BAZ2B: variants seen among roughly 807,000 people sequenced by gnomAD.
The protein encoded by BAZ2B is bromodomain adjacent to zinc finger domain 2B, also known as bromodomain adjacent to zinc finger domain protein 2B.
BAZ2B carries 91 observed loss-of-function variants against 246.0 expected under a neutral mutation model. That is an observed-to-expected ratio of 0.37 (90% confidence interval 0.31 to 0.44). BAZ2B has a LOEUF of 0.44. BAZ2B is among the 20% of genes least tolerant of loss of function. BAZ2B has a pLI of 1.00. For synonymous variants in BAZ2B, 855 were observed against 860.0 expected, an observed-to-expected ratio of 0.99 and a Z score of 0.10; for missense variants, 2,332 against 2,533.7, an observed-to-expected ratio of 0.92 and a Z score of 1.71.
chr2:159,408,736 T>C (rs1485641193), intron 14 of BAZ2B, among the ~76,000 whole-genome samples: 1 of 152,122 alleles, frequency 6.6e-6, no homozygotes, highest in Admixed American at 6.5e-5. Flanking sequence ...CTGGCCAACA[T>C]GGTGAAAACC....
chr2:159,702,489 AGTCTT>A, the BAZ2B span, among the ~76,000 whole-genome samples: 406 of 152,338 alleles, frequency 2.7e-3, 2 homozygotes, highest in African/African-American at 9.2e-3. Context: ...ATCCCATTAA[AGTCTT>A]GACATACAAC....
intron 2 of BAZ2B, among the ~76,000 whole-genome samples, chr2:159,546,987 T>A (rs781608010): frequency 5.9e-5 from 9 of 152,122 alleles, no homozygotes; most frequent in Admixed American, 1.3e-4. Flanking sequence ...GAAATTTCCT[T>A]TCCATAAAGA....
At position 159,385,486 on chromosome 2, in the gene BAZ2B, A is replaced by C. The variant is rs2062532738; in HGVS notation, c.3472-117T>G. The C allele has an allele frequency of 1.4e-5, 11 of 808,436 alleles. No individual in the cohort carries two copies. In the South Asian group the frequency reaches 1.8e-4, roughly 13 times the overall value. The allele number at this position is 808,436 out of a possible 1,614,324, so 50.1% of individuals were successfully genotyped here. ...GATACTACTGACAAGAGCTTTATTC[A>C]CTTTTTTTTTAATGAAAGAGACACA... On this transcript the variant is annotated intron_variant, in intron 22 of 36. Coordinates refer to ENST00000392783, the MANE Select transcript of BAZ2B (RefSeq NM_013450.4).
intron 2 of BAZ2B, among the ~76,000 whole-genome samples, chr2:159,554,243 A>T (rs1302759416): frequency 6.6e-6 from 1 of 152,178 alleles, no homozygotes; most frequent in Non-Finnish European, 1.5e-5. Flanking sequence ...TGGGAAAAAA[A>T]ATTTAAATAA....
intron 1 of BAZ2B, among the ~76,000 whole-genome samples, chr2:159,579,567 T>C (rs1369564290): frequency 6.6e-6 from 1 of 152,136 alleles, no homozygotes; most frequent in Non-Finnish European, 1.5e-5. Context: ...CCTCCCTAAC[T>C]CATTTTAATG....
intron 31 of BAZ2B, among the ~76,000 whole-genome samples, chr2:159,345,965 T>A (rs1312755771): frequency 6.6e-6 from 1 of 152,208 alleles, no homozygotes; most frequent in African/African-American, 2.4e-5. Flanking sequence ...GGCAATGAAA[T>A]GTGTAACATA....
chr2:159,568,870 T>A (rs894402509), intron 1 of BAZ2B, among the ~76,000 whole-genome samples: 1 of 152,224 alleles, frequency 6.6e-6, no homozygotes, highest in African/African-American at 2.4e-5. Flanking sequence ...CAAACTTATA[T>A]CACCTGAATA....
intron 2 of BAZ2B, among the ~76,000 whole-genome samples, chr2:159,522,700 T>A (rs377163307): frequency 4.5e-4 from 68 of 152,314 alleles, no homozygotes; most frequent in African/African-American, 1.6e-3. Flanking sequence ...GACTTGAAGC[T>A]ACAAACCACA....
chr2:159,355,711 AG>A (rs774693894), intron 27 of BAZ2B, among the ~76,000 whole-genome samples: 30 of 152,296 alleles, frequency 2.0e-4, no homozygotes, highest in Admixed American at 1.3e-3. Flanking sequence ...ATGGCTGAAT[AG>A]GAACAGTTCC....
rs761833522 is a variant in BAZ2B at position 159,453,667 on chromosome 2, T to A, written c.280A>T (p.Thr94Ser). Residue 94 changes from threonine to serine, a missense_variant, in exon 4 of 37, where the codon ACA becomes TCA. Thr to Ser is a moderately conservative substitution (Grantham distance 58). Transcript: ENST00000392783. ...SGHSEFGGLG[T>S]LGTPTALAAH... ...GCTAAGGCTGTGGGTGTACCAAGTG[T>A]CCCCAAACCACCAAATTCTGAATGC... The A allele has an allele frequency of 3.1e-5, 50 of 1,613,188 alleles. No homozygotes were observed. The highest frequency in any genetic ancestry group is 4.2e-5 in the Non-Finnish European group (50 of 1,179,650).
the BAZ2B span, among the ~76,000 whole-genome samples, chr2:159,685,375 G>A: frequency 3.3e-5 from 5 of 152,144 alleles, no homozygotes; most frequent in African/African-American, 1.2e-4. Context: ...CAAATGGGAT[G>A]TGCATCTTAC....
intron 31 of BAZ2B, among the ~76,000 whole-genome samples, chr2:159,344,027 C>A (rs1357515019): frequency 2.1e-3 from 208 of 96,834 alleles, no homozygotes; most frequent in Middle Eastern, 5.4e-3. Context: ...GACTCCATCT[C>A]AAAAAAAAAA....
At chr2:159,675,492 G>A in the BAZ2B span, among the ~76,000 whole-genome samples, 1 of 152,032 alleles carries the variant, frequency 6.6e-6, no homozygotes, top group East Asian at 1.9e-4. Context: ...GTTTTATAAA[G>A]GGAAACCTCT....
At chr2:159,708,394 A>T in the BAZ2B span, among the ~76,000 whole-genome samples, 1 of 152,140 alleles carries the variant, frequency 6.6e-6, no homozygotes, top group African/African-American at 2.4e-5. Context: ...CAAATTGGGG[A>T]TTATTCCTGG....
chr2:159,604,964 G>A (rs926152339), intron 1 of BAZ2B, among the ~76,000 whole-genome samples: 6 of 152,104 alleles, frequency 3.9e-5, no homozygotes, highest in South Asian at 2.1e-4. Context: ...GCGTGTGTGC[G>A]CGCGCTAGGA....
chr2:159,419,543 T>C (rs756421904), intron 13 of BAZ2B, among the ~76,000 whole-genome samples: 1 of 152,162 alleles, frequency 6.6e-6, no homozygotes, highest in African/African-American at 2.4e-5. Context: ...ATACACTACA[T>C]AGCACTTTAA....
At chr2:159,383,809 C>G in intron 23 of BAZ2B, 129 bp from the exon 24 acceptor site, 1 of 704,076 alleles carries the variant, frequency 1.4e-6, no homozygotes, top group African/African-American at 1.8e-5. Flanking sequence ...CAACTGACCT[C>G]ATGCATATAC....
At chr2:159,491,696 G>A (rs2080496834) in intron 2 of BAZ2B, among the ~76,000 whole-genome samples, 1 of 106,812 alleles carries the variant, frequency 9.4e-6, no homozygotes, top group African/African-American at 3.7e-5. Context: ...ACTCCAGCCC[G>A]GGCGACAGAG....
intron 3 of BAZ2B, among the ~76,000 whole-genome samples, chr2:159,468,798 A>G (rs1464695401): frequency 6.6e-6 from 1 of 152,162 alleles, no homozygotes; most frequent in East Asian, 1.9e-4. Flanking sequence ...TAATCCCAAC[A>G]CTTTGGGAGG....
Sources: gnomAD v4.1 joint callset for allele counts (sites outside exome capture counted in the v4.1 genomes callset) on GRCh38, gnomAD v4.1.1 for gene constraint, MANE v1.5 for transcripts, NCBI Gene and HGNC (gene_info 2026-07-23, HGNC 2026-07-21) for gene names.